Variants in NTM observed in about 807,000 individuals in gnomAD.
NTM encodes the protein IgLON family member 2.
A neutral mutation model predicts 42.1 loss-of-function variants in NTM; 13 were observed. That is an observed-to-expected ratio of 0.31 (90% confidence interval 0.20 to 0.49). NTM has a LOEUF of 0.49. NTM is among the 20% of genes least tolerant of loss of function. The pLI is 0.99. For synonymous variants in NTM, 187 were observed against 179.2 expected (o/e 1.04, Z -0.35); for missense variants, 373 against 452.8 (o/e 0.82, Z 1.60).
chr11:131,468,373 G>T (rs551154463), intron 1 of NTM, among the ~76,000 whole-genome samples: 11 of 152,340 alleles, frequency 7.2e-5, no homozygotes, highest in Admixed American at 2.0e-4. Flanking sequence ...CTTAATGAAT[G>T]CAGCATGAGC....
intron 1 of NTM, among the ~76,000 whole-genome samples, chr11:131,541,254 T>C (rs1307031462): frequency 2.0e-5 from 3 of 152,216 alleles, no homozygotes; most frequent in Non-Finnish European, 2.9e-5. Flanking sequence ...CCTTCCGCCA[T>C]GTAATGCCTC....
rs545266770 is a variant in NTM at position 131,710,145 on chromosome 11, C to A, written c.83-201419C>A. Among the ~76,000 whole-genome samples, 4 of 152,246 alleles carry A rather than the reference C, an allele frequency of 2.6e-5. No individual in the cohort carries two copies. In the South Asian group the frequency reaches 8.3e-4, roughly 32 times the overall value. ...GAGAGACAGAAAGGCTGAACAAACC[C>A]ATTCACTGGTGCCAGATACCAGATT... On this transcript the variant is annotated intron_variant, in intron 1 of 8. Coordinates refer to ENST00000683400, the MANE Select transcript of NTM (RefSeq NM_001352005.2).
At chr11:131,481,121 G>T (rs1953535556) in intron 1 of NTM, among the ~76,000 whole-genome samples, 1 of 152,136 alleles carries the variant, frequency 6.6e-6, no homozygotes. Flanking sequence ...TGATACTGAT[G>T]GATTGTGAAT....
intron 1 of NTM, among the ~76,000 whole-genome samples, chr11:131,687,735 GGA>G (rs976574314): frequency 6.6e-6 from 1 of 152,182 alleles, no homozygotes; most frequent in African/African-American, 2.4e-5. Flanking sequence ...AGTGCCACTG[GGA>G]GAGGGACAGG....
At chr11:131,967,814 T>C (rs911858103) in intron 2 of NTM, among the ~76,000 whole-genome samples, 2 of 152,192 alleles carry the variant, frequency 1.3e-5, no homozygotes, top group African/African-American at 4.8e-5. Context: ...TTCAGTATTT[T>C]AGAAATCTGG....
rs75898141 is a variant in NTM, at chr11:131,461,261, G to T, written c.82+90373G>T. ...GCATTATAATCCCAACTCCCTTATT[G>T]TTGCAAAGTAGAATGTCTACTACTC... is the stretch of plus-strand genomic sequence containing the variant. On this transcript the variant is annotated intron_variant, in intron 1 of 8. Transcript: ENST00000683400. Among the ~76,000 whole-genome samples the T allele has an allele frequency of 1.6e-3, 250 of 152,296 alleles. 3 individuals carry two copies. The highest frequency in any genetic ancestry group is 5.2e-3 in the African/African-American group (215 of 41,564).
In NTM at chr11:132,149,881, A is replaced by T. The variant is rs549892186; in HGVS notation, c.400+3367A>T. ...TTTAAATTAAATTTAAATTAGCTAC[A>T]ACCAAACAACATTTAAAATTTACTT... On this transcript the variant is annotated intron_variant, in intron 3 of 8. Transcript: ENST00000683400. 2.6e-3 allele frequency among the ~76,000 whole-genome samples: 393 copies of T among 152,308 alleles called. 1 individual carries two copies. Among genetic ancestry groups the T allele is most frequent in the African/African-American group, 9.1e-3 (378 of 41,554 alleles).
chr11:131,956,570 C>T (rs537879428), intron 2 of NTM, among the ~76,000 whole-genome samples: 6 of 149,980 alleles, frequency 4.0e-5, no homozygotes, highest in East Asian at 4.0e-4. Flanking sequence ...AGGGTACTGC[C>T]GAGACTGGGT....
chr11:131,652,850 G>A (rs541839068), intron 1 of NTM, among the ~76,000 whole-genome samples: 13 of 152,246 alleles, frequency 8.5e-5, no homozygotes, highest in Non-Finnish European at 1.3e-4. Context: ...CAGGAAGTAC[G>A]CCCTGGCACA....
Position 131,732,488 on chromosome 11 carries a change from C to T in NTM, c.83-179076C>T, listed in dbSNP as rs573293227. On this transcript the variant is annotated intron_variant, in intron 1 of 8. Coordinates refer to ENST00000683400, the MANE Select transcript of NTM (RefSeq NM_001352005.2). ...TTCTAAAACACAGAATTGGTCATGC[C>T]GAATTGGACAACAAACTTTCTCACT... 2.7e-4 allele frequency among the ~76,000 whole-genome samples: 41 copies of T among 152,212 alleles called. No individual in the cohort carries two copies. In the South Asian group the frequency reaches 8.1e-3, roughly 30 times the overall value.
chr11:132,084,131 A>G (rs1335614527), intron 2 of NTM, among the ~76,000 whole-genome samples: 1 of 152,160 alleles, frequency 6.6e-6, no homozygotes, highest in Non-Finnish European at 1.5e-5. Flanking sequence ...TTTCAAAATT[A>G]TCAGAAAACT....
intron 3 of NTM, among the ~76,000 whole-genome samples, chr11:132,168,548 C>T (rs2075635508): frequency 6.6e-6 from 1 of 152,230 alleles, no homozygotes; most frequent in Non-Finnish European, 1.5e-5. Context: ...GCCAACTCAA[C>T]CTCCTCTGGG....
chr11:132,181,455 T>C (rs113596024), intron 3 of NTM, among the ~76,000 whole-genome samples: 4,434 of 152,326 alleles, frequency 0.029, 210 homozygotes, highest in African/African-American at 0.097. Context: ...GCAGACAACT[T>C]GAGCTCAGTG....
intron 4 of NTM, among the ~76,000 whole-genome samples, chr11:132,264,228 T>C (rs2093041278): frequency 6.6e-6 from 1 of 152,246 alleles, no homozygotes; most frequent in Non-Finnish European, 1.5e-5. Flanking sequence ...TCAATTTTCA[T>C]ATTCCAGTTA....
At chr11:131,828,040 G>T (rs1427546764) in intron 1 of NTM, among the ~76,000 whole-genome samples, 1 of 151,570 alleles carries the variant, frequency 6.6e-6, no homozygotes, top group African/African-American at 2.4e-5. Context: ...AACTGCCTGG[G>T]TTCAAATATC....
At position 131,805,791 on chromosome 11, in the gene NTM, T is replaced by A. The variant is rs1343448247; in HGVS notation, c.83-105773T>A. On this transcript the variant is annotated intron_variant, in intron 1 of 8. Transcript: ENST00000683400. ...TCACATTTCTCTTGCCAGCAGTGAA[T>A]ATCAGAGATTCTTATATACTTGTAT... 2.6e-5 allele frequency among the ~76,000 whole-genome samples: 4 copies of A among 152,356 alleles called. No individual in the cohort carries two copies. In the East Asian group the frequency reaches 7.7e-4, roughly 29 times the overall value.
At chr11:132,056,387 T>C (rs989258697) in intron 2 of NTM, among the ~76,000 whole-genome samples, 2 of 152,218 alleles carry the variant, frequency 1.3e-5, no homozygotes, top group Non-Finnish European at 2.9e-5. Context: ...TAGCAGTTCA[T>C]TGGCAGAGAG....
chr11:131,544,923 A>G (rs2053731185), intron 1 of NTM, among the ~76,000 whole-genome samples: 1 of 152,146 alleles, frequency 6.6e-6, no homozygotes, highest in African/African-American at 2.4e-5. Flanking sequence ...GAATCTTACC[A>G]ATAGCTTGAT....
intron 1 of NTM, among the ~76,000 whole-genome samples, chr11:131,748,445 C>T (rs1302884685): frequency 6.6e-6 from 1 of 152,182 alleles, no homozygotes; most frequent in Non-Finnish European, 1.5e-5. Flanking sequence ...CCATTCTAAA[C>T]GTTTTCTATT....
Sources: gnomAD v4.1 joint callset for allele counts (sites outside exome capture counted in the v4.1 genomes callset) on GRCh38, gnomAD v4.1.1 for gene constraint, MANE v1.5 for transcripts, NCBI Gene and HGNC (gene_info 2026-07-23, HGNC 2026-07-21) for gene names.